The following SIK3 variants were observed in gnomAD, a reference collection of about 807,000 sequenced individuals.
SIK3 encodes the protein serine/threonine-protein kinase SIK3.
A neutral mutation model predicts 144.2 loss-of-function variants in SIK3; 28 were observed. That is an observed-to-expected ratio of 0.19 (90% CI 0.14 to 0.27). SIK3 has a LOEUF of 0.27. Ranked by LOEUF, SIK3 falls within the 10% of genes least tolerant of loss-of-function variation. The pLI is 1.00. For synonymous variants in SIK3, 686 were observed against 676.3 expected (o/e 1.01, Z -0.22); for missense variants, 1,319 against 1,776.0 (o/e 0.74, Z 4.62).
intron 3 of SIK3, among the ~76,000 whole-genome samples, chr11:116,938,622 G>A (rs12793474): frequency 0.024 from 825 of 34,316 alleles, 41 homozygotes; most frequent in African/African-American, 0.092. Context: ...AGAGGGGAGG[G>A]GAGGAGAGGA....
At chr11:116,967,321 G>A (rs747499760) in intron 1 of SIK3, among the ~76,000 whole-genome samples, 4 of 152,184 alleles carry the variant, frequency 2.6e-5, no homozygotes, top group Non-Finnish European at 4.4e-5. Context: ...TAAGGCTCCA[G>A]CTGAAAAGAG....
At chr11:116,959,339 A>C (rs1055458175) in intron 1 of SIK3, among the ~76,000 whole-genome samples, 3 of 152,180 alleles carry the variant, frequency 2.0e-5, no homozygotes, top group Admixed American at 6.5e-5. Context: ...AAGAACTTCC[A>C]AACAAGTGTG....
At chr11:117,021,399 A>C (rs1280987785) in intron 1 of SIK3, among the ~76,000 whole-genome samples, 2 of 152,156 alleles carry the variant, frequency 1.3e-5, no homozygotes, top group Admixed American at 1.3e-4. Flanking sequence ...ACATTGTCAG[A>C]ACCCCACTCT....
intron 1 of SIK3, among the ~76,000 whole-genome samples, chr11:117,047,173 A>C (rs971718667): frequency 6.6e-6 from 1 of 152,210 alleles, no homozygotes; most frequent in African/African-American, 2.4e-5. Context: ...ACAATCGATG[A>C]AGACAATGCA....
At chr11:116,953,910 G>C in intron 3 of SIK3, 134 bp downstream of exon 3, 1 of 617,188 alleles carries the variant, frequency 1.6e-6, no homozygotes, top group South Asian at 2.2e-5. Context: ...AAATGCCTTT[G>C]TTGATAGAAA....
At chr11:116,853,636 T>C (rs1424022005) in intron 21 of SIK3, among the ~76,000 whole-genome samples, 1 of 152,196 alleles carries the variant, frequency 6.6e-6, no homozygotes, top group Non-Finnish European at 1.5e-5. Context: ...ATACTCCCCT[T>C]AAAGGTTCTG....
intron 1 of SIK3, among the ~76,000 whole-genome samples, chr11:117,072,825 T>G (rs1319209274): frequency 2.0e-5 from 3 of 152,296 alleles, no homozygotes; most frequent in Admixed American, 6.5e-5. Flanking sequence ...CCTACAATGG[T>G]GGCTGAAAGT....
At chr11:116,968,772 C>T (rs991960546) in intron 1 of SIK3, among the ~76,000 whole-genome samples, 5 of 152,102 alleles carry the variant, frequency 3.3e-5, no homozygotes, top group Admixed American at 2.0e-4. Flanking sequence ...AGGAAATTGT[C>T]GTAACTGTGT....
At chr11:116,983,315 T>C (rs1408489502) in intron 1 of SIK3, among the ~76,000 whole-genome samples, 1 of 151,534 alleles carries the variant, frequency 6.6e-6, no homozygotes, top group East Asian at 1.9e-4. Flanking sequence ...ATGGATCACT[T>C]GAGGTCAGGA....
At chr11:116,880,775 TA>T (rs1480709609) in intron 6 of SIK3, among the ~76,000 whole-genome samples, 1 of 152,106 alleles carries the variant, frequency 6.6e-6, no homozygotes, top group Non-Finnish European at 1.5e-5. Flanking sequence ...GCCCTCACAT[TA>T]AACAAAACAT....
intron 1 of SIK3, among the ~76,000 whole-genome samples, chr11:117,006,579 C>CT (rs1178917775): frequency 6.6e-6 from 1 of 151,900 alleles, no homozygotes; most frequent in Non-Finnish European, 1.5e-5. Flanking sequence ...GGGAGGAACC[C>CT]TTTAGCCTAG....
At chr11:116,871,907 C>T (rs538795482) in intron 13 of SIK3, among the ~76,000 whole-genome samples, 1 of 152,026 alleles carries the variant, frequency 6.6e-6, no homozygotes, top group Non-Finnish European at 1.5e-5. Context: ...GTGGAATAAC[C>T]AACTAAATCT....
chr11:116,983,751 A>G (rs2135525822), intron 1 of SIK3, among the ~76,000 whole-genome samples: 1 of 152,202 alleles, frequency 6.6e-6, no homozygotes, highest in East Asian at 1.9e-4. Flanking sequence ...TCTACTGTAA[A>G]CATGGTCTAG....
intron 1 of SIK3, among the ~76,000 whole-genome samples, chr11:117,058,552 T>C (rs1953650847): frequency 6.6e-6 from 1 of 151,720 alleles, no homozygotes; most frequent in African/African-American, 2.4e-5. Context: ...TCCATCTTTA[T>C]AATGAACAGT....
intron 1 of SIK3, among the ~76,000 whole-genome samples, chr11:117,056,372 T>C (rs562681790): frequency 1.1e-4 from 16 of 151,894 alleles, no homozygotes; most frequent in Admixed American, 5.2e-4. Flanking sequence ...CTGGGGCCTG[T>C]TGTGAGGTGG....
intron 4 of SIK3, among the ~76,000 whole-genome samples, chr11:116,897,999 GTT>G (rs1945509752): frequency 6.6e-6 from 1 of 151,914 alleles, no homozygotes; most frequent in African/African-American, 2.4e-5. Flanking sequence ...TATACTTTAA[GTT>G]TTAGGGTACA....
At position 116,845,310 on chromosome 11, in the gene SIK3, A is replaced by G. The variant is rs1941860857; in HGVS notation, c.*333T>C. The G allele has an allele frequency of 6.6e-6, 1 of 152,178 alleles. No homozygotes were observed. Among genetic ancestry groups the G allele is most frequent in the Non-Finnish European group, 1.5e-5 (1 of 68,030 alleles). The allele number at this position is 152,178 out of a possible 1,614,324, so 9.4% of individuals were successfully genotyped here. ...AGGAAGAAAAAAAAGAAAGTATATC[A>G]CCTCTGGAAGAAAACATACCAAAAA... On this transcript the variant is annotated 3_prime_UTR_variant, in exon 25 of 25. Coordinates refer to ENST00000445177, the MANE Select transcript of SIK3 (RefSeq NM_001366686.3).
At chr11:116,848,975 A>G in intron 22 of SIK3, 145 bp downstream of exon 22, 1 of 986,118 alleles carries the variant, frequency 1.0e-6, no homozygotes, top group Non-Finnish European at 1.4e-6. Flanking sequence ...AAAAGAAAAA[A>G]AAAGAAATGC....
chr11:116,930,607 C>A (rs532510701), intron 3 of SIK3, among the ~76,000 whole-genome samples: 1 of 152,286 alleles, frequency 6.6e-6, no homozygotes, highest in South Asian at 2.1e-4. Flanking sequence ...TACGTTGAAC[C>A]TTGTCAGGAT....
Sources: allele counts gnomAD v4.1 joint callset (sites outside exome capture counted in the v4.1 genomes callset), GRCh38; gene constraint gnomAD v4.1.1; transcripts MANE v1.5; gene names NCBI Gene and HGNC (gene_info 2026-07-23, HGNC 2026-07-21).